PANX1: variants seen among roughly 807,000 people sequenced by gnomAD.
PANX1 encodes the protein pannexin 1, also known as pannexin-1.
In PANX1, 30 loss-of-function variants were observed where a neutral mutation model predicts 38.7. The ratio of observed to expected loss-of-function variants is 0.78; its 90% CI spans 0.58 to 1.05. The LOEUF (loss-of-function observed/expected upper bound fraction) is 1.05, where lower values mean the gene tolerates loss of function less well. Among genes scored for constraint, PANX1 ranks in the 50% least tolerant of loss-of-function variants. The pLI is 0.00. For missense variants in PANX1, 551 were observed against 517.2 expected (o/e 1.07, Z -0.63); for synonymous variants, 230 against 212.2 (o/e 1.08, Z -0.73).
At chr11:94,135,101 T>C (rs1946673321) in intron 1 of PANX1, among the ~76,000 whole-genome samples, 1 of 152,262 alleles carries the variant, frequency 6.6e-6, no homozygotes, top group South Asian at 2.1e-4. Flanking sequence ...AGCCCGTGTC[T>C]CCTGCCAGGA....
At chr11:94,173,780 T>TG (rs1219318398) in intron 2 of PANX1, among the ~76,000 whole-genome samples, 1 of 151,776 alleles carries the variant, frequency 6.6e-6, no homozygotes, top group Non-Finnish European at 1.5e-5. Context: ...CCTCTACCAG[T>TG]GGTACCCCAT....
chr11:94,129,239 G>T lies in PANX1; in HGVS notation c.-74G>T. 1 of 1,365,990 alleles carries T rather than the reference G, an allele frequency of 7.3e-7. No individual in the cohort carries two copies. The highest frequency in any genetic ancestry group is 1.0e-6 in the Non-Finnish European group (1 of 993,060). 84.6% of individuals were successfully genotyped at this position (1,365,990 alleles called of 1,614,324 possible). A position where few individuals can be genotyped will look rare whatever the true frequency, so the allele number is the denominator to read the frequency against. ...AAGCCGCGCGCCCGGCCGGTGACTG[G>T]GTGAAGGCGCCGCGCAGCTTTCCCG... On this transcript the variant is annotated 5_prime_UTR_variant, in exon 1 of 5. Coordinates refer to ENST00000227638, the MANE Select transcript of PANX1 (RefSeq NM_015368.4).
Position 94,153,617 on chromosome 11 carries a change from T to C in PANX1, c.308T>C (p.Leu103Pro). 6.2e-7 allele frequency: 1 copy of C among 1,613,608 alleles called. No individual in the cohort carries two copies. Among genetic ancestry groups the C allele is most frequent in the East Asian group, 2.2e-5 (1 of 44,902 alleles). Residue 103 changes from leucine (L) to proline (P), a missense_variant, in exon 2 of 5, where the codon CTG becomes CCG. Transcript: ENST00000227638. ...CAGAGCGAGTCTGGAAACCTCCCACTGTGGCTGCATAAGGTAAAGGGAGAC... is the reference window on the plus strand; with the variant it reads ...CAGAGCGAGTCTGGAAACCTCCCACCGTGGCTGCATAAGGTAAAGGGAGAC... ...SLQSESGNLP[L>P]WLHKFFPYIL...
chr11:94,170,273 GTCTAT>G (rs1947150648), intron 2 of PANX1, among the ~76,000 whole-genome samples: 2 of 151,334 alleles, frequency 1.3e-5, no homozygotes, highest in Admixed American at 1.3e-4. Context: ...CTCTGCATTT[GTCTAT>G]TCTAGATACC....
chr11:94,148,207 C>T (rs184185358), intron 1 of PANX1, among the ~76,000 whole-genome samples: 3 of 152,228 alleles, frequency 2.0e-5, no homozygotes, highest in Admixed American at 6.5e-5. Context: ...TTTGGGACAT[C>T]CAGAATATAT....
chr11:94,142,914 G>A (rs1232835728), intron 1 of PANX1, among the ~76,000 whole-genome samples: 4 of 152,218 alleles, frequency 2.6e-5, no homozygotes, highest in Non-Finnish European at 5.9e-5. Flanking sequence ...ACCCAGCTCT[G>A]ATGAAAAAGT....
intron 1 of PANX1, among the ~76,000 whole-genome samples, chr11:94,133,548 T>C (rs1228368643): frequency 6.6e-6 from 1 of 152,092 alleles, no homozygotes; most frequent in East Asian, 1.9e-4. Context: ...TGAAGGCTTT[T>C]GGACAGTGAG....
intron 1 of PANX1, among the ~76,000 whole-genome samples, chr11:94,147,436 T>C (rs1311582173): frequency 6.6e-6 from 1 of 152,196 alleles, no homozygotes; most frequent in Non-Finnish European, 1.5e-5. Flanking sequence ...ATGGGTTTTT[T>C]CTGTGGTTTA....
chr11:94,166,316 C>T (rs1378154776), intron 2 of PANX1, among the ~76,000 whole-genome samples: 1 of 152,156 alleles, frequency 6.6e-6, no homozygotes, highest in African/African-American at 2.4e-5. Flanking sequence ...TGAAGAACTC[C>T]TTTTACCATG....
At chr11:94,132,008 G>C (rs559544432) in intron 1 of PANX1, among the ~76,000 whole-genome samples, 101 of 152,272 alleles carry the variant, frequency 6.6e-4, no homozygotes, top group Non-Finnish European at 1.3e-3. Flanking sequence ...TTCCTCTGTT[G>C]ATAATTACTG....
chr11:94,179,296 C>T (rs1947274853), intron 3 of PANX1, among the ~76,000 whole-genome samples: 3 of 152,164 alleles, frequency 2.0e-5, no homozygotes, highest in African/African-American at 7.2e-5. Context: ...CCACCCCTTG[C>T]CTGTAAGAGG....
Position 94,179,917 on chromosome 11 carries a change from G to A in PANX1, c.861G>A (p.Leu287=). ...TTAACCTTGTGGTTTATGTCCTGCT[G>A]GCTCCCGTGGTTGTCTACACGCTGT... The part of the protein sequence containing the change: ...SVINLVVYVL[L]APVVVYTLFV... The change falls in exon 4 of 5, where the codon CTG becomes CTA. Residue 287 remains leucine, a synonymous_variant. Transcript: ENST00000227638. 1 of 1,611,920 alleles carries A rather than the reference G, an allele frequency of 6.2e-7. No homozygotes were observed. Among genetic ancestry groups the A allele is most frequent in the Non-Finnish European group, 8.5e-7 (1 of 1,178,420 alleles).
At chr11:94,133,748 C>A (rs1444998504) in intron 1 of PANX1, among the ~76,000 whole-genome samples, 1 of 152,132 alleles carries the variant, frequency 6.6e-6, no homozygotes, top group Non-Finnish European at 1.5e-5. Flanking sequence ...GTGGTGGGAG[C>A]CAGAGAAGGG....
chr11:94,154,687 C>T (rs967511442), intron 2 of PANX1, among the ~76,000 whole-genome samples: 4 of 152,096 alleles, frequency 2.6e-5, no homozygotes, highest in Non-Finnish European at 5.9e-5. Flanking sequence ...ATGTGGGGGT[C>T]GGGGCACTGG....
At chr11:94,139,761 T>C (rs2134479245) in intron 1 of PANX1, among the ~76,000 whole-genome samples, 1 of 152,332 alleles carries the variant, frequency 6.6e-6, no homozygotes, top group African/African-American at 2.4e-5. Flanking sequence ...ACATCCACGC[T>C]GGGAGGGTTG....
At chr11:94,140,202 G>T (rs1946745509) in intron 1 of PANX1, among the ~76,000 whole-genome samples, 1 of 152,250 alleles carries the variant, frequency 6.6e-6, no homozygotes, top group African/African-American at 2.4e-5. Flanking sequence ...GTACCCCATG[G>T]CTGTCCTGGG....
intron 2 of PANX1, among the ~76,000 whole-genome samples, chr11:94,177,711 C>G (rs1455527293): frequency 1.3e-5 from 2 of 148,376 alleles, no homozygotes; most frequent in Non-Finnish European, 3.1e-5. Context: ...TGGATGCTCT[C>G]CTCTTGATTC....
chr11:94,173,855 C>G (rs370833157), intron 2 of PANX1, among the ~76,000 whole-genome samples: 2 of 151,714 alleles, frequency 1.3e-5, no homozygotes, highest in South Asian at 2.1e-4. Flanking sequence ...TTGTGAGTTT[C>G]CTAGATCTGC....
At chr11:94,138,994 T>G (rs1800603185) in intron 1 of PANX1, among the ~76,000 whole-genome samples, 1 of 152,226 alleles carries the variant, frequency 6.6e-6, no homozygotes, top group African/African-American at 2.4e-5. Flanking sequence ...GTTCTTTTGG[T>G]GCTATAAGTC....
Sources: allele counts gnomAD v4.1 joint callset (sites outside exome capture counted in the v4.1 genomes callset), GRCh38; gene constraint gnomAD v4.1.1; transcripts MANE v1.5; gene names NCBI Gene and HGNC (gene_info 2026-07-23, HGNC 2026-07-21).